The following RHD variants were observed in gnomAD, a reference collection of about 807,000 sequenced individuals.
RHD encodes the protein blood group Rh(D) polypeptide.
In RHD, 16 loss-of-function variants were observed where a neutral mutation model predicts 45.5. The observed-to-expected ratio is 0.35, with a 90% confidence interval of 0.24 to 0.53. The LOEUF (loss-of-function observed/expected upper bound fraction) is 0.53. Ranked by LOEUF, RHD falls within the 20% of genes least tolerant of loss-of-function variation. The pLI, the probability that RHD is intolerant of heterozygous loss-of-function variation, is 0.92. For missense variants in RHD, 306 were observed against 532.0 expected (o/e 0.58, Z 4.18); for synonymous variants, 131 against 217.5 (o/e 0.60, Z 3.50).
In RHD at chr1:25,319,775, T is replaced by C. The variant is rs921302608; in HGVS notation, c.1154-2114T>C. 9.0e-5 allele frequency among the ~76,000 whole-genome samples: 12 copies of C among 132,894 alleles called. 1 individual carries two copies. The highest frequency in any genetic ancestry group is 3.1e-4 in the African/African-American group (12 of 39,030). 87.2% of individuals were successfully genotyped at this position (132,894 alleles called of 152,430 possible). A position where few individuals can be genotyped will look rare whatever the true frequency, so the allele number is the denominator to read the frequency against. On this transcript the variant is annotated intron_variant, in intron 8 of 9. Transcript: ENST00000328664. ...GAAACAATCCTATCAAGCATAGTTA[T>C]TGGGTTTCTCAGCCCAGGTAGATTA...
At position 25,296,219 on chromosome 1, in the gene RHD, C is replaced by T. The variant is rs1476062519; in HGVS notation, c.487-4727C>T. On this transcript the variant is annotated intron_variant, in intron 3 of 9. Coordinates refer to ENST00000328664, the MANE Select transcript of RHD (RefSeq NM_016124.6). ...CTTCATCTGTGTATGTGACTTTAAC[C>T]CCTAAATACTTCAGTGTACATTTCT... Among the ~76,000 whole-genome samples the T allele has an allele frequency of 1.6e-5, 2 of 123,876 alleles. 1 individual carries two copies. The highest frequency in any genetic ancestry group is 3.8e-5 in the Non-Finnish European group (2 of 52,800). 81.3% of individuals were successfully genotyped at this position (123,876 alleles called of 152,430 possible).
Position 25,305,854 on chromosome 1 carries a change from G to A in RHD, c.940-742G>A, listed in dbSNP as rs1283208423. Among the ~76,000 whole-genome samples the A allele has an allele frequency of 2.3e-5, 3 of 130,808 alleles. 1 individual carries two copies. The highest frequency in any genetic ancestry group is 5.4e-5 in the Non-Finnish European group (3 of 55,580). 85.8% of individuals were successfully genotyped at this position (130,808 alleles called of 152,430 possible). A position where few individuals can be genotyped will look rare whatever the true frequency, so the allele number is the denominator to read the frequency against. On this transcript the variant is annotated intron_variant, in intron 6 of 9. Transcript: ENST00000328664. ...CGACTTCAGGTGATCCACCCATGTC[G>A]GCCTCCCAAAGTGCTGGGATTACAG...
At chr1:25,314,462 G>T (rs1236867493) in intron 7 of RHD, among the ~76,000 whole-genome samples, 4 of 132,060 alleles carry the variant, frequency 3.0e-5, no homozygotes, top group African/African-American at 1.0e-4. Flanking sequence ...ACGTATCCTG[G>T]ATATGAATCC....
At chr1:25,323,539 G>A (rs1275379003) in intron 9 of RHD, among the ~76,000 whole-genome samples, 1 of 127,132 alleles carries the variant, frequency 7.9e-6, no homozygotes, top group Non-Finnish European at 1.8e-5. Flanking sequence ...GCTCACTGTA[G>A]CCTCAACCTC....
chr1:25,321,498 T>TAAA (rs1214598540), intron 8 of RHD, among the ~76,000 whole-genome samples: 2 of 76,330 alleles, frequency 2.6e-5, no homozygotes, highest in Non-Finnish European at 6.0e-5. Flanking sequence ...CCATCTCTAC[T>TAAA]AAAAAAAAAA....
rs41267486 is a variant in RHD at position 25,290,615 on chromosome 1, G to A, written c.336-26G>A. ...TGAGAGGCATCCTTCCTTCTCAGTC[G>A]TCCTGGCTCTCCCTCTCTCCCCCAG... On this transcript the variant is annotated intron_variant, in intron 2 of 9. Transcript: ENST00000328664. The A allele has an allele frequency of 4.3e-3, 5,855 of 1,359,816 alleles. 1,006 individuals are homozygous for A. The African/African-American group carries it at 0.066, about 15-fold the overall frequency. The allele number at this position is 1,359,816 out of a possible 1,614,324, so 84.2% of individuals were successfully genotyped here.
intron 1 of RHD, among the ~76,000 whole-genome samples, chr1:25,279,413 A>ACT (rs1641285953): frequency 8.7e-6 from 1 of 115,002 alleles, no homozygotes; most frequent in African/African-American, 3.0e-5. Flanking sequence ...CCTGATTGAG[A>ACT]GACCCACACT....
At chr1:25,312,942 A>AC (rs2124050404) in intron 7 of RHD, among the ~76,000 whole-genome samples, 1 of 109,980 alleles carries the variant, frequency 9.1e-6, no homozygotes, top group African/African-American at 2.9e-5. Flanking sequence ...AAAAAAAAAA[A>AC]AAAAAAAAAA....
chr1:25,302,843 C>G (rs1369070836), intron 5 of RHD, among the ~76,000 whole-genome samples: 1 of 131,242 alleles, frequency 7.6e-6, no homozygotes, highest in Non-Finnish European at 1.8e-5. Context: ...GAAGGTACAT[C>G]CAAAACCCCA....
At position 25,314,735 on chromosome 1, in the gene RHD, G is replaced by A. The variant is rs187948473; in HGVS notation, c.1074-2265G>A. Among the ~76,000 whole-genome samples, 23 of 131,490 alleles carry A rather than the reference G, an allele frequency of 1.7e-4. 6 individuals carry two copies. The highest frequency in any genetic ancestry group is 3.6e-4 in the Non-Finnish European group (20 of 55,424). 86.3% of individuals were successfully genotyped at this position (131,490 alleles called of 152,430 possible). A position where few individuals can be genotyped will look rare whatever the true frequency, so the allele number is the denominator to read the frequency against. ...TGGACAGGCTGATCTTGGACTCCTG[G>A]CCTCAACTTTGGCCCACCTTGGCCT... On this transcript the variant is annotated intron_variant, in intron 7 of 9. Coordinates refer to ENST00000328664, the MANE Select transcript of RHD (RefSeq NM_016124.6).
At chr1:25,292,657 G>A (rs1448183442) in intron 3 of RHD, among the ~76,000 whole-genome samples, 1 of 129,546 alleles carries the variant, frequency 7.7e-6, no homozygotes, top group Non-Finnish European at 1.8e-5. Flanking sequence ...TTGGGGGAGG[G>A]GGGGTAGAGA....
intron 7 of RHD, among the ~76,000 whole-genome samples, chr1:25,315,755 C>CAA (rs2124089199): frequency 7.7e-6 from 1 of 130,420 alleles, no homozygotes; most frequent in African/African-American, 2.6e-5. Flanking sequence ...CTCGGCCTCC[C>CAA]AAAGTGTGGG....
chr1:25,274,214 A>C (rs1202086671), intron 1 of RHD, among the ~76,000 whole-genome samples: 2 of 131,922 alleles, frequency 1.5e-5, no homozygotes, highest in African/African-American at 5.2e-5. Flanking sequence ...TTCGTTTTTC[A>C]TATGAGGAAA....
intron 8 of RHD, among the ~76,000 whole-genome samples, chr1:25,317,809 G>A (rs1459937844): frequency 1.2e-5 from 1 of 81,626 alleles, no homozygotes; most frequent in East Asian, 2.4e-4. Flanking sequence ...TGTGTGTTGA[G>A]GGAACAGTAA....
At chr1:25,307,776 G>C (rs1246379693) in intron 7 of RHD, 1 of 1,303,326 alleles carries the variant, frequency 7.7e-7, no homozygotes, top group Non-Finnish European at 1.1e-6. Context: ...CTTCTACAGA[G>C]ACAACCATAG....
chr1:25,286,453 C>T (rs148233344), intron 2 of RHD, among the ~76,000 whole-genome samples: 1 of 134,942 alleles, frequency 7.4e-6, no homozygotes, highest in Non-Finnish European at 1.8e-5. Flanking sequence ...CGTGCCACTT[C>T]ACTCCAGCCT....
rs148991516 is a variant in RHD at position 25,314,047 on chromosome 1, A to G, written c.1074-2953A>G. On this transcript the variant is annotated intron_variant, in intron 7 of 9. Coordinates refer to ENST00000328664, the MANE Select transcript of RHD (RefSeq NM_016124.6). Reference sequence around the variant, plus strand: ...ATATTCTAGTATTGCTCCTATGAACATTCTAGCACTTTTATTTTTGGAGCA... The same window carrying G: ...ATATTCTAGTATTGCTCCTATGAACGTTCTAGCACTTTTATTTTTGGAGCA... Among the ~76,000 whole-genome samples the G allele has an allele frequency of 2.0e-3, 264 of 133,184 alleles. 56 individuals are homozygous for G. In the Middle Eastern group the frequency reaches 0.024, roughly 12 times the overall value. 87.4% of individuals were successfully genotyped at this position (133,184 alleles called of 152,430 possible).
chr1:25,288,821 G>C (rs1642258564), intron 2 of RHD, among the ~76,000 whole-genome samples: 1 of 128,082 alleles, frequency 7.8e-6, no homozygotes, highest in South Asian at 2.4e-4. Context: ...CGGCACACAC[G>C]CTCCTGAGTT....
At chr1:25,294,324 A>G in intron 3 of RHD, 1 of 1,167,708 alleles carries the variant, frequency 8.6e-7, no homozygotes, top group East Asian at 2.3e-5. Context: ...AACTTGTCCA[A>G]GGCCCCAGTG....
Sources: allele counts gnomAD v4.1 joint callset (sites outside exome capture counted in the v4.1 genomes callset), GRCh38; gene constraint gnomAD v4.1.1; transcripts MANE v1.5; gene names NCBI Gene and HGNC (gene_info 2026-07-23, HGNC 2026-07-21).